UNC5D: variants seen among roughly 807,000 people sequenced by gnomAD.
UNC5D encodes netrin receptor UNC5D.
UNC5D carries 39 observed loss-of-function variants against 105.4 expected under a neutral mutation model. The observed-to-expected ratio is 0.37, with a 90% CI of 0.29 to 0.48. UNC5D has a LOEUF of 0.48. UNC5D is among the 20% of genes least tolerant of loss of function. The pLI is 0.98. For synonymous variants in UNC5D, 452 were observed against 450.4 expected (o/e 1.00, Z -0.04); for missense variants, 991 against 1,202.4 (o/e 0.82, Z 2.60).
rs577085084 is a variant in UNC5D at position 35,550,428 on chromosome 8, A to AT, written c.322+925dup. On this transcript the variant is annotated intron_variant, in intron 2 of 16. Coordinates refer to ENST00000404895, the MANE Select transcript of UNC5D (RefSeq NM_080872.4). ...AATCTGGTCACACGTTAGATTGTTGATTTTTTTAGATGGTCAACTGCTTGA... is the reference window on the plus strand; with the variant it reads ...AATCTGGTCACACGTTAGATTGTTGATTTTTTTTAGATGGTCAACTGCTTGA... 9.3e-4 allele frequency among the ~76,000 whole-genome samples: 141 copies of AT among 152,258 alleles called. 1 individual carries two copies. Among genetic ancestry groups the AT allele is most frequent in the African/African-American group, 3.3e-3 (138 of 41,542 alleles).
At chr8:35,733,364 G>A (rs973232093) in intron 11 of UNC5D, among the ~76,000 whole-genome samples, 1 of 152,164 alleles carries the variant, frequency 6.6e-6, no homozygotes, top group African/African-American at 2.4e-5. Flanking sequence ...TTGTGATCAG[G>A]AAAAGGCCAG....
chr8:35,335,756 ATTTTTTTTTT>A (rs35774459), intron 1 of UNC5D, among the ~76,000 whole-genome samples: 1 of 90,486 alleles, frequency 1.1e-5, no homozygotes, highest in Non-Finnish European at 2.0e-5. Flanking sequence ...AGAGATTGCA[ATTTTTTTTTT>A]TTTTTTTTTT....
At chr8:35,305,261 G>T (rs1017440112) in intron 1 of UNC5D, among the ~76,000 whole-genome samples, 1 of 152,134 alleles carries the variant, frequency 6.6e-6, no homozygotes, top group Middle Eastern at 3.4e-3. Context: ...AAATAACCAC[G>T]GTCAGAACTA....
chr8:35,718,106 T>C (rs1828357179), intron 8 of UNC5D, among the ~76,000 whole-genome samples: 1 of 151,996 alleles, frequency 6.6e-6, no homozygotes, highest in African/African-American at 2.4e-5. Context: ...GCTTTTTTTT[T>C]TTTAACACCT....
At chr8:35,267,956 C>G (rs1272349939) in intron 1 of UNC5D, among the ~76,000 whole-genome samples, 1 of 151,996 alleles carries the variant, frequency 6.6e-6, no homozygotes, top group Non-Finnish European at 1.5e-5. Context: ...TCTGATGTTT[C>G]TCATCATCAT....
intron 1 of UNC5D, among the ~76,000 whole-genome samples, chr8:35,358,127 C>T (rs1042969907): frequency 2.0e-5 from 3 of 152,116 alleles, no homozygotes; most frequent in African/African-American, 7.2e-5. Flanking sequence ...TACCATTTGA[C>T]CCAGCAATCC....
At chr8:35,456,046 C>T (rs1808467964) in intron 1 of UNC5D, among the ~76,000 whole-genome samples, 1 of 152,042 alleles carries the variant, frequency 6.6e-6, no homozygotes, top group Non-Finnish European at 1.5e-5. Context: ...ATTCTACTTC[C>T]TAGCAGTTAA....
Position 35,796,078 on chromosome 8 carries a change from A to T in UNC5D, c.*5515A>T, listed in dbSNP as rs1803240541. On this transcript the variant is annotated 3_prime_UTR_variant, in exon 17 of 17. Coordinates refer to ENST00000404895, the MANE Select transcript of UNC5D (RefSeq NM_080872.4). The stretch of plus-strand genomic sequence containing the variant: ...GTGATTCACATCTCAAACCCATACC[A>T]CTCTCAACTTTTATTTGATGTGTTC... 6.6e-6 allele frequency: 1 copy of T among 151,968 alleles called. No individual in the cohort carries two copies. The highest frequency in any genetic ancestry group is 1.5e-5 in the Non-Finnish European group (1 of 68,008). The allele number at this position is 151,968 out of a possible 1,614,324, so 9.4% of individuals were successfully genotyped here.
At chr8:35,464,154 C>G (rs1182781935) in intron 1 of UNC5D, among the ~76,000 whole-genome samples, 2 of 152,016 alleles carry the variant, frequency 1.3e-5, no homozygotes, top group African/African-American at 4.8e-5. Flanking sequence ...TGGCGAAACC[C>G]CATCTCTACT....
intron 1 of UNC5D, among the ~76,000 whole-genome samples, chr8:35,458,860 T>C (rs1381729937): frequency 1.3e-5 from 2 of 152,194 alleles, no homozygotes; most frequent in Non-Finnish European, 2.9e-5. Flanking sequence ...CGAAGACGTC[T>C]TGAAATTGGC....
chr8:35,706,054 C>T, intron 8 of UNC5D, 93 bp downstream of exon 8: 1 of 849,842 alleles, frequency 1.2e-6, no homozygotes. Context: ...ATTGAAGTTC[C>T]TATGAAAGAT....
intron 8 of UNC5D, among the ~76,000 whole-genome samples, chr8:35,721,978 A>G (rs1406353531): frequency 6.6e-6 from 1 of 152,260 alleles, no homozygotes. Flanking sequence ...ATTACATGCT[A>G]AGCTACCTTA....
intron 1 of UNC5D, among the ~76,000 whole-genome samples, chr8:35,302,861 A>G (rs1306638846): frequency 6.6e-6 from 1 of 152,172 alleles, no homozygotes; most frequent in Non-Finnish European, 1.5e-5. Context: ...TAATGTTTAT[A>G]AAACCCTACA....
At chr8:35,426,384 T>TA (rs796904841) in intron 1 of UNC5D, among the ~76,000 whole-genome samples, 4 of 151,982 alleles carry the variant, frequency 2.6e-5, no homozygotes, top group African/African-American at 9.7e-5. Flanking sequence ...AATAAAGATG[T>TA]AAAAAAAACT....
At chr8:35,671,049 A>G (rs1824761912) in intron 4 of UNC5D, among the ~76,000 whole-genome samples, 1 of 152,124 alleles carries the variant, frequency 6.6e-6, no homozygotes, top group Admixed American at 6.6e-5. Flanking sequence ...TATGTATAAA[A>G]TGTGAGTCTC....
chr8:35,604,483 C>G (rs1820135103), intron 4 of UNC5D, among the ~76,000 whole-genome samples: 1 of 152,112 alleles, frequency 6.6e-6, no homozygotes, highest in Non-Finnish European at 1.5e-5. Flanking sequence ...AACATTTTTT[C>G]CTTCATTTCA....
At chr8:35,369,674 A>G (rs1802318861) in intron 1 of UNC5D, among the ~76,000 whole-genome samples, 2 of 151,606 alleles carry the variant, frequency 1.3e-5, no homozygotes, top group Admixed American at 6.6e-5. Flanking sequence ...TTTGTGTACA[A>G]CCTCTCTGGG....
chr8:35,305,631 C>CTTTT (rs1563297986), intron 1 of UNC5D, among the ~76,000 whole-genome samples: 1 of 87,774 alleles, frequency 1.1e-5, no homozygotes, highest in African/African-American at 5.1e-5. Flanking sequence ...CTTTTTCTTT[C>CTTTT]TCTCTCTCTC....
intron 1 of UNC5D, among the ~76,000 whole-genome samples, chr8:35,475,654 G>C (rs1810036942): frequency 6.6e-6 from 1 of 152,186 alleles, no homozygotes; most frequent in African/African-American, 2.4e-5. Context: ...TACCCATCCT[G>C]AAAACCGTCT....
Sources: gnomAD v4.1 joint callset for allele counts (sites outside exome capture counted in the v4.1 genomes callset) on GRCh38, gnomAD v4.1.1 for gene constraint, MANE v1.5 for transcripts, NCBI Gene and HGNC (gene_info 2026-07-23, HGNC 2026-07-21) for gene names.